TENM1: variants seen among roughly 807,000 people sequenced by gnomAD.
TENM1 encodes teneurin transmembrane protein 1.
In TENM1, 35 loss-of-function variants were observed where a neutral mutation model predicts 174.8. The ratio of observed to expected loss-of-function variants is 0.20; its 90% CI spans 0.15 to 0.27. The LOEUF (loss-of-function observed/expected upper bound fraction) is 0.27. Among genes scored for constraint, TENM1 ranks in the 10% least tolerant of loss-of-function variants. The probability of loss-of-function intolerance (pLI) is 1.00; values close to 1 mark genes in which losing one functional copy is unlikely to be tolerated. For missense variants in TENM1, 1,633 were observed against 2,130.1 expected, an observed-to-expected ratio of 0.77 and a Z score of 4.59; for synonymous variants, 781 against 798.7, an observed-to-expected ratio of 0.98 and a Z score of 0.37.
chrX:124,773,896 G>A (rs1320321901), intron 3 of TENM1, among the ~76,000 whole-genome samples: 1 of 111,922 alleles, frequency 8.9e-6, no homozygotes, highest in Non-Finnish European at 1.9e-5. Context: ...AGAGTTGAGT[G>A]TATACTATCC....
chrX:124,517,716 G>C (rs1484778783), intron 18 of TENM1, among the ~76,000 whole-genome samples: 1 of 108,224 alleles, frequency 9.2e-6, no homozygotes, highest in Non-Finnish European at 1.9e-5. Context: ...TAATGCATAT[G>C]ACGAGTTAAT....
chrX:124,891,086 TA>T (rs983147226), intron 3 of TENM1, among the ~76,000 whole-genome samples: 4 of 110,769 alleles, frequency 3.6e-5, no homozygotes, highest in African/African-American at 1.3e-4. Flanking sequence ...TTGTGGGAAC[TA>T]AAAATCAAAA....
intron 28 of TENM1, among the ~76,000 whole-genome samples, chrX:124,387,952 C>A (rs1427226062): frequency 1.8e-5 from 2 of 112,171 alleles, no homozygotes. Flanking sequence ...GGAGAACTGC[C>A]TCCCTGGACC....
chrX:124,775,941 T>C, intron 3 of TENM1, among the ~76,000 whole-genome samples: 1 of 111,938 alleles, frequency 8.9e-6, no homozygotes, highest in East Asian at 2.8e-4. Flanking sequence ...TATGCAAGAA[T>C]TTTGATATAT....
At chrX:124,384,308 C>T (rs780141431) in exon 30 of TENM1, 6 of 1,206,959 alleles carry the variant, frequency 5.0e-6, no homozygotes, top group Non-Finnish European at 3.4e-6. Context: ...TCTGGTGATG[C>T]GGTCTCGGAG....
intron 11 of TENM1, among the ~76,000 whole-genome samples, chrX:124,569,711 A>G (rs1265984246): frequency 8.9e-6 from 1 of 112,015 alleles, no homozygotes; most frequent in East Asian, 2.8e-4. Flanking sequence ...ATGGAAATGA[A>G]TGAAAATGTG....
At chrX:124,723,613 T>G (rs935835039) in intron 4 of TENM1, among the ~76,000 whole-genome samples, 24 of 101,223 alleles carry the variant, frequency 2.4e-4, no homozygotes, top group East Asian at 9.0e-4. Flanking sequence ...GTTTTTTTTT[T>G]TTTTTTTTGA....
chrX:124,890,599 G>A (rs2053270453), intron 3 of TENM1, among the ~76,000 whole-genome samples: 2 of 111,554 alleles, frequency 1.8e-5, no homozygotes, highest in Non-Finnish European at 3.8e-5. Flanking sequence ...TTAACCATCA[G>A]AGACCTGCAA....
chrX:124,511,419 C>T (rs1277516794), intron 18 of TENM1, among the ~76,000 whole-genome samples: 3 of 111,437 alleles, frequency 2.7e-5, no homozygotes, highest in Non-Finnish European at 5.7e-5. Context: ...TGATAGAAAA[C>T]CACTGGGGCA....
intron 22 of TENM1, among the ~76,000 whole-genome samples, chrX:124,481,178 A>C (rs1267647456): frequency 1.8e-5 from 2 of 112,483 alleles, no homozygotes; most frequent in Non-Finnish European, 3.8e-5. Context: ...TAATTTCCAG[A>C]ATGATTTAGA....
At chrX:124,748,345 G>GATAT (rs200991239) in intron 3 of TENM1, among the ~76,000 whole-genome samples, 1,260 of 109,272 alleles carry the variant, frequency 0.012, 20 homozygotes, top group African/African-American at 0.039. Context: ...AAGGTATACA[G>GATAT]ATATATATAT....
the TENM1 span, among the ~76,000 whole-genome samples, chrX:125,179,157 A>T: frequency 3.6e-5 from 4 of 111,874 alleles, no homozygotes; most frequent in Non-Finnish European, 7.5e-5. Flanking sequence ...CTCAACAGGT[A>T]TAAAATGGAA....
intron 22 of TENM1, among the ~76,000 whole-genome samples, chrX:124,462,412 G>C (rs145087983): frequency 0.08 from 6,828 of 85,579 alleles, 289 homozygotes; most frequent in African/African-American, 0.1. Context: ...TTAAGCTATT[G>C]AGATACTGTG....
intron 5 of TENM1, among the ~76,000 whole-genome samples, chrX:124,702,883 A>AT (rs1243937267): frequency 1.8e-5 from 2 of 111,328 alleles, no homozygotes; most frequent in Non-Finnish European, 3.8e-5. Context: ...AGCATAATTC[A>AT]TTTTTTTCCA....
intron 3 of TENM1, among the ~76,000 whole-genome samples, chrX:124,763,735 G>T (rs1331685239): frequency 8.9e-6 from 1 of 112,017 alleles, no homozygotes. Flanking sequence ...GCTGAATCAG[G>T]TAATAGGCAC....
chrX:125,013,603 T>C, the TENM1 span, among the ~76,000 whole-genome samples: 1 of 111,926 alleles, frequency 8.9e-6, no homozygotes, highest in East Asian at 2.8e-4. Context: ...CTATGTAATT[T>C]GTGTTTTCCT....
chrX:124,501,156 G>A (rs2047321756), intron 19 of TENM1, among the ~76,000 whole-genome samples: 1 of 111,753 alleles, frequency 8.9e-6, no homozygotes. Context: ...GCTTAGTTCT[G>A]TAACAGATAT....
intron 4 of TENM1, among the ~76,000 whole-genome samples, chrX:124,733,460 C>T (rs760663966): frequency 1.8e-5 from 2 of 111,839 alleles, no homozygotes; most frequent in Admixed American, 9.4e-5. Context: ...CTTTCTACTA[C>T]GTTAGTTTGA....
the TENM1 span, among the ~76,000 whole-genome samples, chrX:125,033,682 C>T: frequency 0.019 from 2,127 of 109,761 alleles, 12 homozygotes; most frequent in East Asian, 0.068. Flanking sequence ...AACATTTTAC[C>T]GTATACAGAT....
Sources: gnomAD v4.1 joint callset for allele counts (sites outside exome capture counted in the v4.1 genomes callset) on GRCh38, gnomAD v4.1.1 for gene constraint, MANE v1.5 for transcripts, NCBI Gene and HGNC (gene_info 2026-07-23, HGNC 2026-07-21) for gene names.